Variants in CDKAL1 observed in about 807,000 individuals in gnomAD.
CDKAL1 encodes the protein threonylcarbamoyladenosine tRNA methylthiotransferase.
A neutral mutation model predicts 68.2 loss-of-function variants in CDKAL1; 32 were observed. The ratio of observed to expected loss-of-function variants is 0.47; its 90% CI spans 0.35 to 0.63. The LOEUF is 0.63. CDKAL1 is among the 30% of genes least tolerant of loss of function. CDKAL1 has a pLI of 0.00. For missense variants in CDKAL1, 606 were observed against 696.7 expected (o/e 0.87, Z 1.47); for synonymous variants, 234 against 244.3 (o/e 0.96, Z 0.39).
Position 20,597,678 on chromosome 6 carries a change from G to A in CDKAL1, c.286+48973G>A, listed in dbSNP as rs113698967. ...AATCCACCTGCCTCGGCCTCCCAAA[G>A]TGCTGGGATTACAGGCGTGAGCCAT... On this transcript the variant is annotated intron_variant, in intron 4 of 15. Coordinates refer to ENST00000274695, the MANE Select transcript of CDKAL1 (RefSeq NM_017774.3). 6.3e-3 allele frequency among the ~76,000 whole-genome samples: 964 copies of A among 152,300 alleles called. 11 individuals are homozygous for A. Among genetic ancestry groups the A allele is most frequent in the African/African-American group, 0.021 (888 of 41,550 alleles).
chr6:21,189,460 A>G (rs1262611321), intron 13 of CDKAL1, among the ~76,000 whole-genome samples: 4 of 152,078 alleles, frequency 2.6e-5, no homozygotes, highest in African/African-American at 7.2e-5. Context: ...TATCTAAAGA[A>G]TTTTTTTTCC....
At chr6:20,670,562 C>T (rs1769764500) in intron 5 of CDKAL1, among the ~76,000 whole-genome samples, 1 of 152,132 alleles carries the variant, frequency 6.6e-6, no homozygotes, top group South Asian at 2.1e-4. Context: ...AGGCAGAAGT[C>T]AGCAGTGATT....
At chr6:20,810,599 T>A (rs1400600644) in intron 8 of CDKAL1, among the ~76,000 whole-genome samples, 3 of 149,248 alleles carry the variant, frequency 2.0e-5, no homozygotes, top group Non-Finnish European at 4.4e-5. Flanking sequence ...ACTCTCTTTT[T>A]AAAAAAAAGA....
chr6:20,796,364 G>T (rs996887711), intron 8 of CDKAL1, among the ~76,000 whole-genome samples: 5 of 152,170 alleles, frequency 3.3e-5, no homozygotes, highest in African/African-American at 1.2e-4. Flanking sequence ...AATAAATCAT[G>T]CAATGTTCAG....
At chr6:21,048,256 T>C (rs2150906939) in intron 11 of CDKAL1, among the ~76,000 whole-genome samples, 1 of 152,294 alleles carries the variant, frequency 6.6e-6, no homozygotes, top group South Asian at 2.1e-4. Context: ...AAAACTTTAT[T>C]TACAAAATCA....
intron 7 of CDKAL1, 120 bp from the exon 8 acceptor site, chr6:20,781,025 T>C: frequency 1.0e-6 from 1 of 961,104 alleles, no homozygotes; most frequent in Non-Finnish European, 1.5e-6. Flanking sequence ...CACACTTCAC[T>C]CTTCTATGTT....
chr6:20,979,499 A>C (rs1180283086), intron 10 of CDKAL1, among the ~76,000 whole-genome samples: 1 of 152,124 alleles, frequency 6.6e-6, no homozygotes, highest in Non-Finnish European at 1.5e-5. Flanking sequence ...CATTTTAATA[A>C]GGGTAAAAAG....
chr6:20,758,683 C>G lies in CDKAL1; in HGVS notation c.517+40C>G, dbSNP rs1581524689. Reference sequence around the variant, plus strand: ...TGAGATAAACAGATGTATATATTTTCTGAACTACATAGTAGAAACACCACT... The same window carrying G: ...TGAGATAAACAGATGTATATATTTTGTGAACTACATAGTAGAAACACCACT... On this transcript the variant is annotated intron_variant, in intron 7 of 15. Transcript: ENST00000274695. 16 of 1,479,730 alleles carry G rather than the reference C, an allele frequency of 1.1e-5. No homozygotes were observed. In the East Asian group the frequency reaches 3.4e-4, roughly 32 times the overall value. 91.7% of individuals were successfully genotyped at this position (1,479,730 alleles called of 1,614,324 possible). A position where few individuals can be genotyped will look rare whatever the true frequency, so the allele number is the denominator to read the frequency against.
chr6:21,057,045 T>C (rs1466585515), intron 11 of CDKAL1, among the ~76,000 whole-genome samples: 1 of 152,202 alleles, frequency 6.6e-6, no homozygotes, highest in Non-Finnish European at 1.5e-5. Flanking sequence ...ATAAAATGAG[T>C]TAGGGAGGAG....
chr6:20,646,300 C>T (rs1005175818), intron 4 of CDKAL1, among the ~76,000 whole-genome samples: 1 of 151,682 alleles, frequency 6.6e-6, no homozygotes, highest in Non-Finnish European at 1.5e-5. Flanking sequence ...CGTGATCCAG[C>T]CACCTCGGCC....
chr6:20,649,431 C>G (rs1768643723), intron 5 of CDKAL1, 54 bp downstream of exon 5: 1 of 960,144 alleles, frequency 1.0e-6, no homozygotes, highest in Non-Finnish European at 1.6e-6. Flanking sequence ...AGAATTGATA[C>G]CAAAAGATTA....
intron 5 of CDKAL1, among the ~76,000 whole-genome samples, chr6:20,717,598 C>G (rs1772157617): frequency 6.6e-6 from 1 of 151,966 alleles, no homozygotes; most frequent in Non-Finnish European, 1.5e-5. Flanking sequence ...TGCTGAGACC[C>G]TTAATGGGGA....
intron 9 of CDKAL1, among the ~76,000 whole-genome samples, chr6:20,903,123 A>G (rs1297722926): frequency 6.6e-6 from 1 of 152,108 alleles, no homozygotes; most frequent in African/African-American, 2.4e-5. Context: ...ATTGATGCCA[A>G]ATGTCTACAT....
chr6:20,536,422 T>C (rs538575132), intron 2 of CDKAL1, among the ~76,000 whole-genome samples: 1 of 152,336 alleles, frequency 6.6e-6, no homozygotes, highest in South Asian at 2.1e-4. Context: ...TTGTATATGA[T>C]GTGAAATGTG....
At chr6:20,653,867 T>C (rs1371036269) in intron 5 of CDKAL1, among the ~76,000 whole-genome samples, 1 of 152,192 alleles carries the variant, frequency 6.6e-6, no homozygotes, top group Non-Finnish European at 1.5e-5. Context: ...TGCCTCGGCC[T>C]CCCAAAGTGC....
At chr6:21,049,847 C>T (rs1033774199) in intron 11 of CDKAL1, among the ~76,000 whole-genome samples, 10 of 151,178 alleles carry the variant, frequency 6.6e-5, no homozygotes, top group African/African-American at 2.2e-4. Context: ...TATTTGACAG[C>T]CACTTTTCCA....
chr6:20,865,937 A>T (rs1759884770), intron 9 of CDKAL1, among the ~76,000 whole-genome samples: 1 of 152,196 alleles, frequency 6.6e-6, no homozygotes, highest in Non-Finnish European at 1.5e-5. Context: ...ACCAATTCCT[A>T]TAAAAATGGA....
intron 15 of CDKAL1, among the ~76,000 whole-genome samples, chr6:21,206,436 C>A (rs779245423): frequency 1.9e-4 from 29 of 152,112 alleles, no homozygotes; most frequent in Non-Finnish European, 2.8e-4. Flanking sequence ...TACTAATGTT[C>A]TTTCTTCTTG....
intron 8 of CDKAL1, among the ~76,000 whole-genome samples, chr6:20,830,778 G>A (rs139177655): frequency 1.2e-4 from 19 of 152,272 alleles, no homozygotes; most frequent in African/African-American, 4.6e-4. Context: ...AGGAAAAGTA[G>A]TTGAGAACTA....
Sources: gnomAD v4.1 joint callset for allele counts (sites outside exome capture counted in the v4.1 genomes callset) on GRCh38, gnomAD v4.1.1 for gene constraint, MANE v1.5 for transcripts, NCBI Gene and HGNC (gene_info 2026-07-23, HGNC 2026-07-21) for gene names.